The following ZMIZ1 variants were observed in gnomAD, a reference collection of about 807,000 sequenced individuals.
ZMIZ1 encodes zinc finger MIZ domain-containing protein 1.
Under a neutral mutation model 113.9 loss-of-function variants are expected in ZMIZ1, and 17 were observed. The observed-to-expected ratio is 0.15, with a 90% CI of 0.10 to 0.22. ZMIZ1 has a LOEUF of 0.22. ZMIZ1 is among the 10% of genes least tolerant of loss of function. The pLI is 1.00. For missense variants in ZMIZ1, 1,059 were observed against 1,477.8 expected, an observed-to-expected ratio of 0.72 and a Z score of 4.65; for synonymous variants, 607 against 603.1, an observed-to-expected ratio of 1.01 and a Z score of -0.09.
intron 4 of ZMIZ1, among the ~76,000 whole-genome samples, chr10:79,196,741 AG>A (rs1368194013): frequency 6.6e-6 from 1 of 152,230 alleles, no homozygotes. Context: ...TGGGGCTTCC[AG>A]GCAACAAGCA....
intron 4 of ZMIZ1, among the ~76,000 whole-genome samples, chr10:79,170,606 G>A (rs1055628473): frequency 2.6e-5 from 4 of 152,240 alleles, no homozygotes; most frequent in African/African-American, 4.8e-5. Context: ...TACCTACTGG[G>A]AGGTAGGGCG....
At chr10:79,260,559 G>A (rs571750172) in intron 7 of ZMIZ1, among the ~76,000 whole-genome samples, 26 of 152,256 alleles carry the variant, frequency 1.7e-4, no homozygotes, top group South Asian at 6.2e-4. Flanking sequence ...GCCACCAGCA[G>A]TGGTTCCCCT....
At chr10:79,103,480 C>T (rs979570285) in intron 1 of ZMIZ1, among the ~76,000 whole-genome samples, 11 of 150,888 alleles carry the variant, frequency 7.3e-5, no homozygotes, top group African/African-American at 2.2e-4. Context: ...TGAGGGGGAG[C>T]GTCAGAAACC....
chr10:79,309,265 C>T (rs747391899), intron 23 of ZMIZ1, among the ~76,000 whole-genome samples: 31 of 152,212 alleles, frequency 2.0e-4, no homozygotes, highest in African/African-American at 7.2e-4. Context: ...CCCCTCCATG[C>T]CGGAGACATT....
At chr10:79,102,263 C>T (rs1475448371) in intron 1 of ZMIZ1, among the ~76,000 whole-genome samples, 2 of 152,246 alleles carry the variant, frequency 1.3e-5, no homozygotes, top group Non-Finnish European at 2.9e-5. Flanking sequence ...GCCCCTCTCA[C>T]AGGGAGGCAG....
intron 1 of ZMIZ1, among the ~76,000 whole-genome samples, chr10:79,091,810 C>G (rs1329817446): frequency 1.3e-5 from 2 of 151,862 alleles, no homozygotes; most frequent in African/African-American, 2.4e-5. Context: ...CAGAAGGAAG[C>G]CAGGGTTAGG....
At chr10:79,193,852 G>A (rs1847714573) in intron 4 of ZMIZ1, among the ~76,000 whole-genome samples, 1 of 152,208 alleles carries the variant, frequency 6.6e-6, no homozygotes, top group Non-Finnish European at 1.5e-5. Flanking sequence ...GCAGCCCCAC[G>A]TTGGGGACAA....
chr10:79,290,675 G>A (rs1167359606), intron 9 of ZMIZ1: 15 of 631,168 alleles, frequency 2.4e-5, no homozygotes, highest in Admixed American at 2.1e-4. Context: ...ACTGGGCTGC[G>A]CAGCCCCTGG....
chr10:79,212,720 C>T (rs909445830), intron 6 of ZMIZ1, among the ~76,000 whole-genome samples: 1 of 149,210 alleles, frequency 6.7e-6, no homozygotes, highest in African/African-American at 2.5e-5. Flanking sequence ...CGTGCCATTG[C>T]ACTGCAGCCT....
chr10:79,185,713 T>G (rs779827418), intron 4 of ZMIZ1, among the ~76,000 whole-genome samples: 11 of 152,150 alleles, frequency 7.2e-5, no homozygotes, highest in Non-Finnish European at 1.0e-4. Flanking sequence ...CAGGCCTGTC[T>G]TTACTCACTT....
At chr10:79,246,385 C>G (rs1040770091) in intron 7 of ZMIZ1, among the ~76,000 whole-genome samples, 1 of 152,246 alleles carries the variant, frequency 6.6e-6, no homozygotes, top group Admixed American at 6.5e-5. Flanking sequence ...ACAGAGAGTT[C>G]TGTGCTGGCA....
chr10:79,111,415 ATCAT>A (rs1037644227), intron 1 of ZMIZ1, among the ~76,000 whole-genome samples: 11 of 152,320 alleles, frequency 7.2e-5, no homozygotes, highest in African/African-American at 2.6e-4. Flanking sequence ...AAAGTTTGGA[ATCAT>A]TCCCGGGGAA....
chr10:79,299,343 G>A lies in ZMIZ1; in HGVS notation c.1808+152G>A, dbSNP rs1390877540. ...CATCATTGACTGGGCCCTGTCCTGCGGTTGTCATGGGAAGTCTGCAGGTGC... is the reference window on the plus strand; with the variant it reads ...CATCATTGACTGGGCCCTGTCCTGCAGTTGTCATGGGAAGTCTGCAGGTGC... On this transcript the variant is annotated intron_variant, in intron 16 of 24. Transcript: ENST00000334512. 6 of 1,204,608 alleles carry A rather than the reference G, an allele frequency of 5.0e-6. No homozygotes were observed. The East Asian group carries it at 8.0e-5, about 16-fold the overall frequency. 74.6% of individuals were successfully genotyped at this position (1,204,608 alleles called of 1,614,324 possible). A position where few individuals can be genotyped will look rare whatever the true frequency, so the allele number is the denominator to read the frequency against.
chr10:79,069,157 C>G lies in ZMIZ1; in HGVS notation c.-450C>G, dbSNP rs1253077080. ...GCCCCAGCCGGCGCGGAGCAGGAGC[C>G]GGAGCCGAGCGGATCTCGGCGCCCT... On this transcript the variant is annotated 5_prime_UTR_variant, in exon 1 of 25. Transcript: ENST00000334512. This position sits in a 1 kb window ranked among gnomAD's most constrained non-coding sequence, Gnocchi z 4.6. The G allele has an allele frequency of 6.7e-6, 1 of 150,158 alleles. No individual in the cohort carries two copies. The highest frequency in any genetic ancestry group is 1.5e-5 in the Non-Finnish European group (1 of 67,346). 9.3% of individuals were successfully genotyped at this position (150,158 alleles called of 1,614,324 possible).
At chr10:79,125,796 A>G (rs1844486165) in intron 2 of ZMIZ1, among the ~76,000 whole-genome samples, 1 of 152,198 alleles carries the variant, frequency 6.6e-6, no homozygotes, top group African/African-American at 2.4e-5. Context: ...CACCCCACTC[A>G]TGGCACAGAT....
intron 3 of ZMIZ1, among the ~76,000 whole-genome samples, chr10:79,153,693 T>C (rs780434150): frequency 1.2e-4 from 19 of 152,176 alleles, no homozygotes; most frequent in Middle Eastern, 3.2e-3. Context: ...TCATGACCCA[T>C]TGGAGAAACT....
chr10:79,246,688 G>C (rs906846300), intron 7 of ZMIZ1, among the ~76,000 whole-genome samples: 1 of 152,172 alleles, frequency 6.6e-6, no homozygotes, highest in African/African-American at 2.4e-5. Context: ...CCTTCCCCAA[G>C]CCTCGGCTGC....
At chr10:79,229,329 C>CAG (rs1175006592) in intron 7 of ZMIZ1, among the ~76,000 whole-genome samples, 2 of 152,234 alleles carry the variant, frequency 1.3e-5, no homozygotes, top group South Asian at 4.1e-4. Flanking sequence ...GTTCTGAGCC[C>CAG]AGAGAGACAC....
At chr10:79,122,598 C>G (rs1427905189) in intron 2 of ZMIZ1, among the ~76,000 whole-genome samples, 2 of 152,204 alleles carry the variant, frequency 1.3e-5, no homozygotes, top group Non-Finnish European at 2.9e-5. Flanking sequence ...CCCAGCTCCT[C>G]CCTTCCAACC....
Sources: gnomAD v4.1 joint callset for allele counts (sites outside exome capture counted in the v4.1 genomes callset) on GRCh38, gnomAD v4.1.1 for gene constraint, Gnocchi (gnomAD v3.1) non-coding constraint, MANE v1.5 for transcripts, NCBI Gene and HGNC (gene_info 2026-07-23, HGNC 2026-07-21) for gene names.